The following MVB12B variants were observed in gnomAD, a reference collection of about 807,000 sequenced individuals.
MVB12B encodes ESCRT-I complex subunit MVB12B.
Under a neutral mutation model 41.6 loss-of-function variants are expected in MVB12B, and 16 were observed. The observed-to-expected ratio is 0.38, with a 90% CI of 0.26 to 0.58. The LOEUF is 0.58. Ranked by LOEUF, MVB12B falls within the 20% of genes least tolerant of loss-of-function variation. The pLI, the probability that MVB12B is intolerant of heterozygous loss-of-function variation, is 0.62. For missense variants in MVB12B, 274 were observed against 380.2 expected (o/e 0.72, Z 2.32); for synonymous variants, 133 against 139.7 (o/e 0.95, Z 0.34).
At chr9:126,332,903 A>G (rs1346669993) in intron 1 of MVB12B, among the ~76,000 whole-genome samples, 1 of 152,222 alleles carries the variant, frequency 6.6e-6, no homozygotes, top group Non-Finnish European at 1.5e-5. Context: ...TGCTAGGGAA[A>G]GCATGTTCTA....
intron 7 of MVB12B, among the ~76,000 whole-genome samples, chr9:126,462,152 GTAAT>G (rs984870374): frequency 3.3e-5 from 5 of 152,192 alleles, no homozygotes; most frequent in Non-Finnish European, 5.9e-5. Context: ...AGATACAAGA[GTAAT>G]TAATTATTTG....
At chr9:126,417,860 G>A (rs567194709) in intron 6 of MVB12B, among the ~76,000 whole-genome samples, 1 of 152,162 alleles carries the variant, frequency 6.6e-6, no homozygotes, top group Non-Finnish European at 1.5e-5. Context: ...GGCATGGTTG[G>A]GTGGGATCTT....
intron 7 of MVB12B, among the ~76,000 whole-genome samples, chr9:126,461,618 C>T (rs1214317901): frequency 6.6e-6 from 1 of 152,022 alleles, no homozygotes; most frequent in Non-Finnish European, 1.5e-5. Context: ...AGCAATAAAG[C>T]GAAATGTTTT....
chr9:126,394,705 C>G (rs1831054661), intron 5 of MVB12B, among the ~76,000 whole-genome samples: 1 of 152,206 alleles, frequency 6.6e-6, no homozygotes, highest in Admixed American at 6.5e-5. Flanking sequence ...TGGAATCACT[C>G]ATCTAAGAAG....
Position 126,340,102 on chromosome 9 carries a change from C to T in MVB12B, c.82-406C>T, listed in dbSNP as rs554317. On this transcript the variant is annotated intron_variant, in intron 1 of 9. Coordinates refer to ENST00000361171, the MANE Select transcript of MVB12B (RefSeq NM_033446.3). This position sits in a 1 kb window ranked among gnomAD's most constrained non-coding sequence, Gnocchi z 4.0. The stretch of plus-strand genomic sequence containing the variant: ...CTGTGGGTTTGGAAGTCTAGGCCTC[C>T]GTAGGAGAGATTGCAAGGGAGAGAG... Among the ~76,000 whole-genome samples, 27,204 of 151,970 alleles carry T rather than the reference C, an allele frequency of 0.18. 2,527 individuals are homozygous for T. Among genetic ancestry groups the T allele is most frequent in the Middle Eastern group, 0.23 (67 of 292 alleles).
chr9:126,460,912 A>G (rs902762335), intron 7 of MVB12B, among the ~76,000 whole-genome samples: 2 of 152,196 alleles, frequency 1.3e-5, no homozygotes, highest in African/African-American at 4.8e-5. Context: ...AAATCAGTCA[A>G]TACACAGAAA....
intron 7 of MVB12B, among the ~76,000 whole-genome samples, chr9:126,439,598 G>A (rs1196342032): frequency 2.6e-5 from 4 of 152,174 alleles, no homozygotes; most frequent in African/African-American, 7.2e-5. Context: ...CCTAGAGCAC[G>A]CTCACACGTA....
At chr9:126,490,131 G>A (rs935225699) in intron 9 of MVB12B, among the ~76,000 whole-genome samples, 8 of 152,186 alleles carry the variant, frequency 5.3e-5, no homozygotes, top group African/African-American at 1.7e-4. Context: ...TGTCTCTGCC[G>A]CTCTTTATTT....
intron 2 of MVB12B, among the ~76,000 whole-genome samples, chr9:126,347,634 A>G (rs1044335952): frequency 8.5e-5 from 13 of 152,206 alleles, no homozygotes; most frequent in African/African-American, 2.7e-4. Context: ...ATGAGGTCCT[A>G]TTCTTTTACT....
intron 6 of MVB12B, chr9:126,397,254 TAAAGAAAGAA>T (rs1401636674): frequency 4.1e-5 from 40 of 985,334 alleles, no homozygotes; most frequent in African/African-American, 7.0e-5. Flanking sequence ...TTTCTGTGGT[TAAAGAAAGAA>T]CACCAGTTCT....
chr9:126,332,627 A>AC (rs1360830752), intron 1 of MVB12B, among the ~76,000 whole-genome samples: 1 of 152,104 alleles, frequency 6.6e-6, no homozygotes, highest in East Asian at 1.9e-4. Flanking sequence ...GTGACCCCAG[A>AC]CCCCGGGCTT....
In MVB12B at chr9:126,503,324, C is replaced by G; in HGVS notation, c.*61C>G. On this transcript the variant is annotated 3_prime_UTR_variant, in exon 10 of 10. Transcript: ENST00000361171. ...CCCAGACTACTGACGGCAGGGGCTG[C>G]TGCCCCCGCCTCCTCCTGCCGCCTC... The G allele has an allele frequency of 7.3e-7, 1 of 1,366,004 alleles. No individual in the cohort carries two copies. The highest frequency in any genetic ancestry group is 2.5e-5 in the East Asian group (1 of 39,776). 84.6% of individuals were successfully genotyped at this position (1,366,004 alleles called of 1,614,324 possible). A position where few individuals can be genotyped will look rare whatever the true frequency, so the allele number is the denominator to read the frequency against.
intron 6 of MVB12B, among the ~76,000 whole-genome samples, chr9:126,399,586 G>T (rs75837095): frequency 0.083 from 12,589 of 152,276 alleles, 624 homozygotes; most frequent in Middle Eastern, 0.16. Flanking sequence ...GGCGTCACCT[G>T]TTTCTGCTGG....
intron 7 of MVB12B, among the ~76,000 whole-genome samples, chr9:126,449,188 C>T (rs13289204): frequency 0.065 from 9,956 of 152,278 alleles, 463 homozygotes; most frequent in South Asian, 0.14. Flanking sequence ...TGGCAGAGAG[C>T]CCCGGGCAGT....
At chr9:126,393,373 C>T (rs1831016331) in intron 5 of MVB12B, among the ~76,000 whole-genome samples, 1 of 152,220 alleles carries the variant, frequency 6.6e-6, no homozygotes, top group African/African-American at 2.4e-5. Context: ...CCTGGTGCTA[C>T]AGTAGCTCCA....
chr9:126,488,853 T>A (rs1833674845), intron 9 of MVB12B, among the ~76,000 whole-genome samples: 1 of 152,120 alleles, frequency 6.6e-6, no homozygotes. Context: ...CGAAGCACAG[T>A]TGCCACCATT....
At chr9:126,360,611 T>A (rs2118890351) in intron 2 of MVB12B, among the ~76,000 whole-genome samples, 1 of 152,342 alleles carries the variant, frequency 6.6e-6, no homozygotes, top group Admixed American at 6.5e-5. Context: ...ATAGTATTGT[T>A]CAAGTTTTCT....
chr9:126,446,519 A>G (rs1174345931), intron 7 of MVB12B, among the ~76,000 whole-genome samples: 2 of 151,640 alleles, frequency 1.3e-5, no homozygotes, highest in East Asian at 1.9e-4. Flanking sequence ...ACCAAAAAAA[A>G]AAAAAAAAAA....
At position 126,376,469 on chromosome 9, in the gene MVB12B, G is replaced by A. The variant is rs1230475201; in HGVS notation, c.205-4595G>A. On this transcript the variant is annotated intron_variant, in intron 2 of 9. Coordinates refer to ENST00000361171, the MANE Select transcript of MVB12B (RefSeq NM_033446.3). The surrounding 1 kb of genome is among the most constrained non-coding windows in gnomAD (Gnocchi z 4.1). ...AGATGGAGGCACCAGCTCATGGGCT[G>A]GAGCCCTGTGGGTGGGGGGCCTGCT... The A allele has an allele frequency of 7.8e-7, 1 of 1,275,238 alleles. No individual in the cohort carries two copies. Among genetic ancestry groups the A allele is most frequent in the East Asian group, 5.6e-5 (1 of 17,950 alleles). 79.0% of individuals were successfully genotyped at this position (1,275,238 alleles called of 1,614,324 possible).
Sources: gnomAD v4.1 joint callset for allele counts (sites outside exome capture counted in the v4.1 genomes callset) on GRCh38, gnomAD v4.1.1 for gene constraint, Gnocchi (gnomAD v3.1) non-coding constraint, MANE v1.5 for transcripts, NCBI Gene and HGNC (gene_info 2026-07-23, HGNC 2026-07-21) for gene names.